CRPPA: variants seen among roughly 807,000 people sequenced by gnomAD.
The protein encoded by CRPPA is CDP-L-ribitol pyrophosphorylase A, also known as D-ribitol-5-phosphate cytidylyltransferase.
A neutral mutation model predicts 52.0 loss-of-function variants in CRPPA; 43 were observed. The observed-to-expected ratio is 0.83, with a 90% CI of 0.65 to 1.07. CRPPA has a LOEUF of 1.07. CRPPA is among the 50% of genes least tolerant of loss of function. The pLI is 0.00. For synonymous variants in CRPPA, 250 were observed against 203.5 expected, an observed-to-expected ratio of 1.23 and a Z score of -1.94; for missense variants, 629 against 551.7, an observed-to-expected ratio of 1.14 and a Z score of -1.40.
intron 9 of CRPPA, among the ~76,000 whole-genome samples, chr7:16,124,762 T>C (rs935855531): frequency 4.6e-5 from 7 of 152,220 alleles, no homozygotes; most frequent in African/African-American, 1.4e-4. Flanking sequence ...GTGCTGGATA[T>C]GCTAATTACC....
chr7:16,394,492 G>A (rs1045373833), intron 2 of CRPPA, among the ~76,000 whole-genome samples: 3 of 152,118 alleles, frequency 2.0e-5, no homozygotes, highest in African/African-American at 7.2e-5. Flanking sequence ...TATTCATTGG[G>A]GGGATTAAAT....
intron 5 of CRPPA, among the ~76,000 whole-genome samples, chr7:16,287,650 G>A (rs1213684808): frequency 6.6e-6 from 1 of 152,092 alleles, no homozygotes; most frequent in African/African-American, 2.4e-5. Flanking sequence ...GGTGGCATGT[G>A]GTGGCTCACA....
At chr7:16,141,049 T>A (rs957892391) in intron 9 of CRPPA, among the ~76,000 whole-genome samples, 2 of 152,174 alleles carry the variant, frequency 1.3e-5, no homozygotes, top group Non-Finnish European at 2.9e-5. Flanking sequence ...GTTTCCTGTG[T>A]CTTCTTCTTT....
chr7:16,147,388 A>T (rs1782994687), intron 9 of CRPPA, among the ~76,000 whole-genome samples: 1 of 152,154 alleles, frequency 6.6e-6, no homozygotes, highest in Non-Finnish European at 1.5e-5. Context: ...CCCCAAAATC[A>T]AATCTCCCAT....
At chr7:16,117,259 A>C (rs897700791) in intron 9 of CRPPA, among the ~76,000 whole-genome samples, 1 of 152,176 alleles carries the variant, frequency 6.6e-6, no homozygotes, top group African/African-American at 2.4e-5. Flanking sequence ...GTCTCAAGTG[A>C]AACCAGGTAG....
chr7:16,292,668 G>C (rs1411821414), intron 5 of CRPPA, among the ~76,000 whole-genome samples: 1 of 151,862 alleles, frequency 6.6e-6, no homozygotes, highest in Non-Finnish European at 1.5e-5. Flanking sequence ...AATGTTATTT[G>C]CAAACTAAAT....
chr7:16,378,242 T>C (rs947058426), intron 2 of CRPPA, among the ~76,000 whole-genome samples: 2 of 145,134 alleles, frequency 1.4e-5, no homozygotes, highest in Admixed American at 6.8e-5. Flanking sequence ...GTATATCTCC[T>C]AATGCTATCC....
chr7:16,173,965 A>T (rs924555146), intron 9 of CRPPA, among the ~76,000 whole-genome samples: 5 of 152,212 alleles, frequency 3.3e-5, no homozygotes, highest in Non-Finnish European at 5.9e-5. Flanking sequence ...TACCTAAAAC[A>T]ACATAAAAAT....
intron 2 of CRPPA, among the ~76,000 whole-genome samples, chr7:16,400,030 G>C (rs1583580667): frequency 6.6e-6 from 1 of 152,142 alleles, no homozygotes; most frequent in African/African-American, 2.4e-5. Flanking sequence ...GACATGATTA[G>C]TACGTGACGA....
intron 9 of CRPPA, among the ~76,000 whole-genome samples, chr7:16,121,390 C>A (rs886391307): frequency 6.6e-6 from 1 of 151,976 alleles, no homozygotes; most frequent in South Asian, 2.1e-4. Flanking sequence ...TCAGGAATAA[C>A]CCCTCCACCT....
chr7:16,375,788 C>CT (rs1184366527), intron 3 of CRPPA, among the ~76,000 whole-genome samples: 1 of 152,160 alleles, frequency 6.6e-6, no homozygotes, highest in Non-Finnish European at 1.5e-5. Context: ...ACAGCCCTCC[C>CT]TGGGCATAAA....
intron 2 of CRPPA, among the ~76,000 whole-genome samples, chr7:16,385,435 A>G (rs991983556): frequency 5.3e-5 from 8 of 152,238 alleles, no homozygotes; most frequent in Admixed American, 5.2e-4. Flanking sequence ...AGAGAACATC[A>G]ATATTAACAA....
At chr7:16,138,634 T>A (rs944979805) in intron 9 of CRPPA, among the ~76,000 whole-genome samples, 3 of 152,208 alleles carry the variant, frequency 2.0e-5, no homozygotes, top group Admixed American at 1.3e-4. Flanking sequence ...TTTGATATAC[T>A]TTTCTCATTA....
chr7:16,264,135 G>C (rs560812464), intron 6 of CRPPA, among the ~76,000 whole-genome samples: 16 of 152,106 alleles, frequency 1.1e-4, no homozygotes, highest in African/African-American at 3.9e-4. Context: ...CCTAAATATA[G>C]CAAAGGTATC....
chr7:16,164,912 G>C (rs865810215), intron 9 of CRPPA, among the ~76,000 whole-genome samples: 1 of 152,178 alleles, frequency 6.6e-6, no homozygotes, highest in African/African-American at 2.4e-5. Context: ...CCAGATGCCA[G>C]CCAGAGCCCT....
chr7:16,374,921 G>A (rs1786843215), intron 3 of CRPPA, among the ~76,000 whole-genome samples: 1 of 152,072 alleles, frequency 6.6e-6, no homozygotes, highest in Non-Finnish European at 1.5e-5. Flanking sequence ...TCTATTCTTA[G>A]ATCAATTCCA....
intron 9 of CRPPA, among the ~76,000 whole-genome samples, chr7:16,127,466 G>C (rs551932263): frequency 1.3e-5 from 2 of 152,102 alleles, no homozygotes; most frequent in South Asian, 4.1e-4. Flanking sequence ...ATAATAAGTA[G>C]TTGGGTAAGA....
chr7:16,330,230 C>G (rs1266450027), intron 3 of CRPPA, among the ~76,000 whole-genome samples: 1 of 152,212 alleles, frequency 6.6e-6, no homozygotes, highest in East Asian at 1.9e-4. Context: ...CTTATGAACA[C>G]TTCATTGTTA....
chr7:16,221,488 T>C (rs1782502232), intron 8 of CRPPA, among the ~76,000 whole-genome samples: 1 of 152,078 alleles, frequency 6.6e-6, no homozygotes, highest in Non-Finnish European at 1.5e-5. Context: ...CAAAAGAAAC[T>C]ACCATCAGAG....
Sources: allele counts gnomAD v4.1 joint callset (sites outside exome capture counted in the v4.1 genomes callset), GRCh38; gene constraint gnomAD v4.1.1; transcripts MANE v1.5; gene names NCBI Gene and HGNC (gene_info 2026-07-23, HGNC 2026-07-21).